Variants in MGLL observed in about 807,000 individuals in gnomAD.
MGLL encodes monoglyceride lipase.
In MGLL, 7 loss-of-function variants were observed where a neutral mutation model predicts 29.1. That is an observed-to-expected ratio of 0.24 (90% CI 0.14 to 0.45). The LOEUF is 0.45. MGLL is among the 20% of genes least tolerant of loss of function. MGLL has a pLI of 0.99. For synonymous variants in MGLL, 148 were observed against 168.3 expected (o/e 0.88, Z 0.93); for missense variants, 356 against 413.6 (o/e 0.86, Z 1.21).
Position 127,691,896 on chromosome 3 carries a change from G to T in MGLL, c.*302C>A. The T allele has an allele frequency of 2.6e-6, 1 of 382,064 alleles. No individual in the cohort carries two copies. Among genetic ancestry groups the T allele is most frequent in the Non-Finnish European group, 4.8e-6 (1 of 206,276 alleles). The allele number at this position is 382,064 out of a possible 1,614,324, so 23.7% of individuals were successfully genotyped here. A position where few individuals can be genotyped will look rare whatever the true frequency, so the allele number is the denominator to read the frequency against. On this transcript the variant is annotated 3_prime_UTR_variant, in exon 8 of 8. Coordinates refer to ENST00000265052, the MANE Select transcript of MGLL (RefSeq NM_007283.7). ...TTCCTGGAACCCTTGTGGGAGCTGG[G>T]AGAGGCAGGGCAGAGGCTTGGCTTT...
intron 2 of MGLL, among the ~76,000 whole-genome samples, chr3:127,818,889 T>A (rs2077808521): frequency 6.6e-6 from 1 of 152,240 alleles, no homozygotes. Context: ...AGAACATACC[T>A]GGCACTCAAT....
chr3:127,807,748 G>GTTTTTTTTT (rs2077591481), intron 2 of MGLL, among the ~76,000 whole-genome samples: 1 of 104,182 alleles, frequency 9.6e-6, no homozygotes, highest in African/African-American at 3.7e-5. Flanking sequence ...GCTGTGAAAA[G>GTTTTTTTTT]TCTTTTTTTT....
rs1559899227 is a variant in MGLL, at chr3:127,691,465, TTG to T, written c.*731_*732del. ...AGTGACTCTAGAGGAAAGGCAGCCT[TTG>T]TGAGTACAGGCGGCACTCGGGGACC... On this transcript the variant is annotated 3_prime_UTR_variant, in exon 8 of 8. Coordinates refer to ENST00000265052, the MANE Select transcript of MGLL (RefSeq NM_007283.7). The T allele has an allele frequency of 6.6e-6, 1 of 152,396 alleles. No individual in the cohort carries two copies. Among genetic ancestry groups the T allele is most frequent in the East Asian group, 1.9e-4 (1 of 5,180 alleles). The allele number at this position is 152,396 out of a possible 1,614,324, so 9.4% of individuals were successfully genotyped here. A position where few individuals can be genotyped will look rare whatever the true frequency, so the allele number is the denominator to read the frequency against.
chr3:127,752,176 A>G (rs1049287217), intron 3 of MGLL, among the ~76,000 whole-genome samples: 46 of 151,984 alleles, frequency 3.0e-4, no homozygotes, highest in African/African-American at 1.1e-3. Context: ...GGCTCATTGC[A>G]ACCTCTGCCT....
rs555272355 is a variant in MGLL at position 127,717,214 on chromosome 3, A to G, written c.510+3839T>C. Among the ~76,000 whole-genome samples, 12 of 152,168 alleles carry G rather than the reference A, an allele frequency of 7.9e-5. No homozygotes were observed. The East Asian group carries it at 1.9e-3, about 24-fold the overall frequency. ...AAGCTTGAAAGAGTGGCCATGTTCC[A>G]CTTGTTTCCCCTCCCTCCCTGCAAT... On this transcript the variant is annotated intron_variant, in intron 5 of 7. Coordinates refer to ENST00000265052, the MANE Select transcript of MGLL (RefSeq NM_007283.7).
At chr3:127,722,673 G>A in intron 3 of MGLL, 107 bp from the exon 4 acceptor site, 3 of 1,462,236 alleles carry the variant, frequency 2.1e-6, no homozygotes, top group East Asian at 2.3e-5. Flanking sequence ...GCGCCTGAAT[G>A]TGTCACCTCA....
At chr3:127,768,572 C>T (rs2076896792) in intron 3 of MGLL, among the ~76,000 whole-genome samples, 1 of 152,176 alleles carries the variant, frequency 6.6e-6, no homozygotes, top group African/African-American at 2.4e-5. Context: ...CGAGGCCTGA[C>T]CTACTTTACT....
At position 127,737,630 on chromosome 3, in the gene MGLL, C is replaced by CTTTTTTTTTTTTTTTT. The variant is rs774965066; in HGVS notation, c.263-15080_263-15065dup. On this transcript the variant is annotated intron_variant, in intron 3 of 7. Coordinates refer to ENST00000265052, the MANE Select transcript of MGLL (RefSeq NM_007283.7). ...GACACAGTGAAATCATCAACTGCTT[C>CTTTTTTTTTTTTTTTT]TTTTTTTTTTTTTTTTTTTTTTTTT... Among the ~76,000 whole-genome samples, 159 of 68,606 alleles carry CTTTTTTTTTTTTTTTT rather than the reference C, an allele frequency of 2.3e-3. 27 individuals carry two copies. Among genetic ancestry groups the CTTTTTTTTTTTTTTTT allele is most frequent in the East Asian group, 9.9e-3 (18 of 1,818 alleles). 45.0% of individuals were successfully genotyped at this position (68,606 alleles called of 152,430 possible). A position where few individuals can be genotyped will look rare whatever the true frequency, so the allele number is the denominator to read the frequency against.
intron 2 of MGLL, among the ~76,000 whole-genome samples, chr3:127,817,944 C>T (rs1201405745): frequency 2.0e-5 from 3 of 152,238 alleles, no homozygotes; most frequent in Non-Finnish European, 2.9e-5. Context: ...TGGACATTTG[C>T]TCATGATCCA....
At chr3:127,693,415 G>C (rs1206524774) in intron 7 of MGLL, among the ~76,000 whole-genome samples, 7 of 152,292 alleles carry the variant, frequency 4.6e-5, no homozygotes, top group Admixed American at 3.9e-4. Flanking sequence ...ATCTAACCAA[G>C]AGAAGAAGTT....
At chr3:127,693,612 T>C (rs534621370) in intron 7 of MGLL, among the ~76,000 whole-genome samples, 9 of 152,276 alleles carry the variant, frequency 5.9e-5, no homozygotes, top group African/African-American at 2.2e-4. Flanking sequence ...GGCCTGGCTG[T>C]CCCATCTAAA....
At position 127,699,859 on chromosome 3, in the gene MGLL, C is replaced by T. The variant is rs76830959; in HGVS notation, c.601-4669G>A. Reference sequence around the variant, plus strand: ...GGGGTTACCGCCCTTCACAGCCAGCCAGAGGGGATAGGGGAGCCCTTCTGG... The same window carrying T: ...GGGGTTACCGCCCTTCACAGCCAGCTAGAGGGGATAGGGGAGCCCTTCTGG... On this transcript the variant is annotated intron_variant, in intron 6 of 7. Transcript: ENST00000265052. Among the ~76,000 whole-genome samples, 351 of 152,298 alleles carry T rather than the reference C, an allele frequency of 2.3e-3. 5 individuals are homozygous for T. The highest frequency in any genetic ancestry group is 8.1e-3 in the African/African-American group (335 of 41,564).
chr3:127,699,830 C>G (rs1175317153), intron 6 of MGLL, among the ~76,000 whole-genome samples: 2 of 152,148 alleles, frequency 1.3e-5, no homozygotes, highest in Non-Finnish European at 2.9e-5. Context: ...TCTGGTGGGG[C>G]CCAGGGGTTA....
intron 2 of MGLL, among the ~76,000 whole-genome samples, chr3:127,785,912 G>A (rs1283002187): frequency 6.6e-6 from 1 of 152,172 alleles, no homozygotes; most frequent in Non-Finnish European, 1.5e-5. Flanking sequence ...TAGACTAGGG[G>A]AGCCCGACCT....
intron 6 of MGLL, among the ~76,000 whole-genome samples, chr3:127,697,776 G>A (rs1272755250): frequency 6.6e-6 from 1 of 152,200 alleles, no homozygotes; most frequent in Non-Finnish European, 1.5e-5. Context: ...GTGTCCTGAT[G>A]CCAAGAAGTC....
At chr3:127,726,766 G>GT (rs79788007) in intron 3 of MGLL, among the ~76,000 whole-genome samples, 4,761 of 152,162 alleles carry the variant, frequency 0.031, 283 homozygotes, top group East Asian at 0.27. Flanking sequence ...CAAACCTTCT[G>GT]TGAAGTTGAA....
At chr3:127,768,221 T>C (rs1035976363) in intron 3 of MGLL, among the ~76,000 whole-genome samples, 1 of 152,030 alleles carries the variant, frequency 6.6e-6, no homozygotes, top group Non-Finnish European at 1.5e-5. Flanking sequence ...TACCAAACAT[T>C]GAAGGAAAAA....
At chr3:127,692,848 G>C (rs2075273952) in intron 7 of MGLL, among the ~76,000 whole-genome samples, 1 of 152,168 alleles carries the variant, frequency 6.6e-6, no homozygotes, top group Admixed American at 6.5e-5. Context: ...TTTAACTTTT[G>C]ATTTTCTTTC....
rs779322931 is a variant in MGLL at position 127,695,128 on chromosome 3, G to C, written c.663C>G (p.Ile221Met). The C allele has an allele frequency of 1.2e-6, 2 of 1,614,112 alleles. No individual in the cohort carries two copies. Among genetic ancestry groups the C allele is most frequent in the Non-Finnish European group, 1.7e-6 (2 of 1,180,054 alleles). The change falls in exon 7 of 8, where the codon ATC (isoleucine) becomes ATG (methionine). Residue 221 changes from isoleucine to methionine, a missense_variant. Physicochemically the swap from Ile to Met is conservative, Grantham distance 10. Transcript: ENST00000265052. ...CCCGTGAGACGGCATTCAGCAGTTG[G>C]ATGCCGAAGCACACCTTCAGCCCTG... The part of the protein sequence containing the change: ...CRAGLKVCFG[I>M]QLLNAVSRVE...
Sources: gnomAD v4.1 joint callset for allele counts (sites outside exome capture counted in the v4.1 genomes callset) on GRCh38, gnomAD v4.1.1 for gene constraint, MANE v1.5 for transcripts, NCBI Gene and HGNC (gene_info 2026-07-23, HGNC 2026-07-21) for gene names.